HPRT1: variants seen among roughly 807,000 people sequenced by gnomAD.
The protein encoded by HPRT1 is hypoxanthine phosphoribosyltransferase 1.
HPRT1 carries 4 observed loss-of-function variants against 19.0 expected under a neutral mutation model. The observed-to-expected ratio is 0.21, with a 90% CI of 0.10 to 0.48. The LOEUF (loss-of-function observed/expected upper bound fraction) is 0.48, where lower values mean the gene tolerates loss of function less well. HPRT1 is among the 20% of genes least tolerant of loss of function. The pLI is 0.98. For synonymous variants in HPRT1, 53 were observed against 54.9 expected, an observed-to-expected ratio of 0.97 and a Z score of 0.15; for missense variants, 65 against 164.0, an observed-to-expected ratio of 0.40 and a Z score of 3.30.
In HPRT1 at chrX:134,473,430, A is replaced by G. The variant is rs1489606813; in HGVS notation, c.99A>G (p.Glu33=). ...CIPNHYAEDL[E]RVFIPHGLIM... is the part of the protein sequence containing the mutation. ...CTAATCATTATGCTGAGGATTTGGA[A>G]AGGGTGTTTATTCCTCATGGACTAA... The change falls in exon 2 of 9, where the codon GAA becomes GAG. Residue 33 remains glutamate (E), a synonymous_variant. Coordinates refer to ENST00000298556, the MANE Select transcript of HPRT1 (RefSeq NM_000194.3). The G allele has an allele frequency of 8.5e-7, 1 of 1,179,838 alleles. No individual in the cohort carries two copies. Among genetic ancestry groups the G allele is most frequent in the Admixed American group, 2.2e-5 (1 of 45,965 alleles).
At position 134,500,550 on chromosome X, in the gene HPRT1, T is replaced by C. The variant is rs940454770; in HGVS notation, c.*473T>C. On this transcript the variant is annotated 3_prime_UTR_variant, in exon 9 of 9. Coordinates refer to ENST00000298556, the MANE Select transcript of HPRT1 (RefSeq NM_000194.3). ...AAGAAGTTTTGTTCTGTCCTGGAAT[T>C]ATTTTAGTAGTGTTTCAGTAATGTT... The C allele has an allele frequency of 2.6e-5, 3 of 114,235 alleles. No homozygotes were observed. Among genetic ancestry groups the C allele is most frequent in the Non-Finnish European group, 5.5e-5 (3 of 54,297 alleles). 9.4% of individuals were successfully genotyped at this position (114,235 alleles called of 1,213,427 possible). A position where few individuals can be genotyped will look rare whatever the true frequency, so the allele number is the denominator to read the frequency against.
chrX:134,480,805 TTGTG>T (rs111997872), intron 3 of HPRT1, among the ~76,000 whole-genome samples: 1,294 of 91,615 alleles, frequency 0.014, 25 homozygotes, highest in African/African-American at 0.048. Context: ...ATATGTGTAT[TTGTG>T]TGTGTGTGTG....
intron 6 of HPRT1, among the ~76,000 whole-genome samples, chrX:134,497,945 TAAAA>T (rs746184635): frequency 7.3e-5 from 7 of 95,818 alleles, no homozygotes; most frequent in African/African-American, 2.7e-4. Flanking sequence ...AGATTCCGTC[TAAAA>T]AAAAAAAAAA....
chrX:134,466,142 G>A (rs1465522987), intron 1 of HPRT1, among the ~76,000 whole-genome samples: 2 of 110,478 alleles, frequency 1.8e-5, no homozygotes, highest in Non-Finnish European at 3.8e-5. Context: ...ACACCAGGAC[G>A]GGCGCAGTGG....
At chrX:134,492,398 C>A in intron 5 of HPRT1, 1 of 265,470 alleles carries the variant, frequency 3.8e-6, no homozygotes. Flanking sequence ...TGATATATAT[C>A]ATTCCCATGC....
At chrX:134,474,438 A>G (rs1464938547) in intron 2 of HPRT1, among the ~76,000 whole-genome samples, 1 of 76,701 alleles carries the variant, frequency 1.3e-5, no homozygotes, top group Non-Finnish European at 2.4e-5. Flanking sequence ...TTTTTTTTTG[A>G]GACAAGGTCT....
intron 1 of HPRT1, among the ~76,000 whole-genome samples, chrX:134,464,044 T>G (rs1313692178): frequency 9.0e-6 from 1 of 111,659 alleles, no homozygotes. Flanking sequence ...TGTCTATTCT[T>G]CCACTGTACA....
chrX:134,468,460 C>A (rs1444160207), intron 1 of HPRT1, among the ~76,000 whole-genome samples: 1 of 109,108 alleles, frequency 9.2e-6, no homozygotes, highest in Non-Finnish European at 1.9e-5. Flanking sequence ...AAAAAAAATA[C>A]AAAAGAATTA....
chrX:134,482,244 G>A (rs1365397819), intron 3 of HPRT1, among the ~76,000 whole-genome samples: 6 of 110,317 alleles, frequency 5.4e-5, no homozygotes, highest in Admixed American at 9.7e-5. Flanking sequence ...TTGTAGAGAC[G>A]GGGTTTCACC....
intron 3 of HPRT1, among the ~76,000 whole-genome samples, chrX:134,477,402 TTA>T (rs1491522821): frequency 4.5e-5 from 5 of 110,913 alleles, no homozygotes; most frequent in African/African-American, 1.6e-4. Flanking sequence ...GGGGTATATT[TTA>T]TATAATATAA....
intron 8 of HPRT1, among the ~76,000 whole-genome samples, chrX:134,499,194 T>C (rs1207286124): frequency 8.9e-6 from 1 of 112,144 alleles, no homozygotes; most frequent in Non-Finnish European, 1.9e-5. Flanking sequence ...AACTACATAT[T>C]GAGGCTGGTT....
intron 1 of HPRT1, among the ~76,000 whole-genome samples, chrX:134,465,813 C>G (rs1326381048): frequency 8.9e-6 from 1 of 112,135 alleles, no homozygotes; most frequent in Admixed American, 9.5e-5. Context: ...TTGGGAAAGG[C>G]AGATCTGGAG....
intron 1 of HPRT1, among the ~76,000 whole-genome samples, chrX:134,470,902 TA>T (rs1346755729): frequency 2.7e-4 from 25 of 93,941 alleles, no homozygotes; most frequent in Non-Finnish European, 2.6e-4. Flanking sequence ...ACTTCGTCTC[TA>T]AAAAAAAAAA....
At chrX:134,477,014 T>C (rs1251973526) in intron 3 of HPRT1, among the ~76,000 whole-genome samples, 1 of 94,650 alleles carries the variant, frequency 1.1e-5, no homozygotes, top group Admixed American at 1.2e-4. Context: ...TTTATTGATA[T>C]GTTTATTTTA....
intron 1 of HPRT1, among the ~76,000 whole-genome samples, chrX:134,461,692 T>C (rs958683855): frequency 1.8e-5 from 2 of 112,005 alleles, no homozygotes; most frequent in Non-Finnish European, 3.8e-5. Context: ...TAGTCCTAAT[T>C]AGTCTTCAAA....
At chrX:134,463,094 A>G (rs1055373761) in intron 1 of HPRT1, among the ~76,000 whole-genome samples, 18 of 112,078 alleles carry the variant, frequency 1.6e-4, no homozygotes, top group Admixed American at 6.7e-4. Context: ...GTTACATAAC[A>G]GGTACCCTTT....
intron 3 of HPRT1, among the ~76,000 whole-genome samples, chrX:134,484,614 A>G (rs17885063): frequency 6.1e-4 from 68 of 112,366 alleles, no homozygotes; most frequent in Admixed American, 1.2e-3. Context: ...GCTGTTACAA[A>G]TTTGTTTAAA....
intron 3 of HPRT1, among the ~76,000 whole-genome samples, chrX:134,485,967 G>A (rs1262068297): frequency 1.8e-5 from 2 of 112,143 alleles, no homozygotes; most frequent in Non-Finnish European, 3.8e-5. Flanking sequence ...AGATGATGCT[G>A]AAGATGACGG....
At chrX:134,486,552 A>T (rs778224790) in intron 4 of HPRT1, 22 bp downstream of exon 4, 1 of 952,240 alleles carries the variant, frequency 1.1e-6, no homozygotes, top group East Asian at 3.1e-5. Context: ...GAAAGGGAAG[A>T]AAAAAAAGCA....
Sources: allele counts gnomAD v4.1 joint callset (sites outside exome capture counted in the v4.1 genomes callset), GRCh38; gene constraint gnomAD v4.1.1; transcripts MANE v1.5; gene names NCBI Gene and HGNC (gene_info 2026-07-23, HGNC 2026-07-21).